Variants in ZCCHC4 observed in about 807,000 individuals in gnomAD.
The protein encoded by ZCCHC4 is rRNA N(6)-adenosine-methyltransferase ZCCHC4.
A neutral mutation model predicts 67.7 loss-of-function variants in ZCCHC4; 54 were observed. The observed-to-expected ratio is 0.80, with a 90% CI of 0.64 to 1.00. The LOEUF is 1.00. ZCCHC4 is among the 50% of genes least tolerant of loss of function. ZCCHC4 has a pLI of 0.00. For missense variants in ZCCHC4, 609 were observed against 617.0 expected, an observed-to-expected ratio of 0.99 and a Z score of 0.14; for synonymous variants, 198 against 213.5, an observed-to-expected ratio of 0.93 and a Z score of 0.63.
chr4:25,328,802 C>T (rs938070238), intron 3 of ZCCHC4, among the ~76,000 whole-genome samples: 3 of 151,910 alleles, frequency 2.0e-5, no homozygotes, highest in Admixed American at 6.6e-5. Flanking sequence ...ATGCTGGTCT[C>T]GAACTCCTGG....
chr4:25,349,706 C>A, intron 7 of ZCCHC4, 64 bp downstream of exon 7: 1 of 1,533,420 alleles, frequency 6.5e-7, no homozygotes, highest in Non-Finnish European at 8.9e-7. Flanking sequence ...CAAATATTAG[C>A]TGAGCTCAGT....
Position 25,359,024 on chromosome 4 carries a change from A to G in ZCCHC4, c.1012-2835A>G, listed in dbSNP as rs141820506. Among the ~76,000 whole-genome samples, 6 of 152,292 alleles carry G rather than the reference A, an allele frequency of 3.9e-5. No homozygotes were observed. Among genetic ancestry groups the G allele is most frequent in the Admixed American group, 1.3e-4 (2 of 15,298 alleles). ...TGGCGTGACAATTGACATCACGAAC[A>G]GGATACTGAGGAGAGTGAGCCTTCA... is the stretch of plus-strand genomic sequence containing the variant. On this transcript the variant is annotated intron_variant, in intron 8 of 12. Transcript: ENST00000302874. The surrounding 1 kb of genome is among the most constrained non-coding windows in gnomAD (Gnocchi z 4.9).
At chr4:25,325,346 C>T (rs1199913395) in intron 3 of ZCCHC4, among the ~76,000 whole-genome samples, 6 of 142,226 alleles carry the variant, frequency 4.2e-5, no homozygotes, top group African/African-American at 1.5e-4. Flanking sequence ...CGGCTCACTG[C>T]AACCTCTGTC....
intron 5 of ZCCHC4, among the ~76,000 whole-genome samples, chr4:25,336,332 G>A (rs555036595): frequency 3.1e-4 from 47 of 152,214 alleles, no homozygotes; most frequent in Non-Finnish European, 4.0e-4. Context: ...ATGGCTGGCT[G>A]TATGATACTC....
chr4:25,355,741 T>G (rs1380090680), intron 8 of ZCCHC4, among the ~76,000 whole-genome samples: 1 of 152,170 alleles, frequency 6.6e-6, no homozygotes. Context: ...TTCTTAAAAT[T>G]TAATCTGTAA....
intron 3 of ZCCHC4, among the ~76,000 whole-genome samples, chr4:25,324,014 G>GTTTTTTGTTTTTTTTTTTTT (rs1553895907): frequency 3.6e-5 from 3 of 82,430 alleles, no homozygotes; most frequent in African/African-American, 1.6e-4. Context: ...TGTTTTTTGT[G>GTTTTTTGTTTTTTTTTTTTT]TTTTTTTTTT....
intron 3 of ZCCHC4, among the ~76,000 whole-genome samples, chr4:25,321,770 C>G (rs1009627548): frequency 6.6e-6 from 1 of 152,176 alleles, no homozygotes; most frequent in East Asian, 1.9e-4. Context: ...CTGCCTCAGC[C>G]TCCCGGGTAG....
chr4:25,338,018 A>C (rs1041288353), intron 5 of ZCCHC4, among the ~76,000 whole-genome samples: 1 of 152,224 alleles, frequency 6.6e-6, no homozygotes, highest in African/African-American at 2.4e-5. Context: ...TTGGCTTTTT[A>C]AACCTTTTTT....
intron 3 of ZCCHC4, 92 bp from the exon 4 acceptor site, chr4:25,333,091 A>G: frequency 7.5e-7 from 1 of 1,332,418 alleles, no homozygotes; most frequent in Non-Finnish European, 1.0e-6. Context: ...AGGAAGTAAA[A>G]ATACTTTTTG....
chr4:25,362,967 C>A (rs886424074), intron 10 of ZCCHC4, among the ~76,000 whole-genome samples: 5 of 152,162 alleles, frequency 3.3e-5, no homozygotes, highest in Admixed American at 1.3e-4. Flanking sequence ...GCAGCATCTT[C>A]CACCAGAGGG....
intron 3 of ZCCHC4, among the ~76,000 whole-genome samples, chr4:25,329,041 G>T (rs1352400297): frequency 6.6e-6 from 1 of 151,964 alleles, no homozygotes; most frequent in Non-Finnish European, 1.5e-5. Flanking sequence ...ACAAAAATTA[G>T]CCAGGTGTGG....
intron 3 of ZCCHC4, among the ~76,000 whole-genome samples, chr4:25,319,682 A>G (rs1048287740): frequency 1.4e-4 from 22 of 152,076 alleles, no homozygotes; most frequent in Non-Finnish European, 2.9e-4. Context: ...TCAAAGGCAT[A>G]ATAAATAACC....
At chr4:25,367,706 T>G (rs2109097593) in intron 12 of ZCCHC4, among the ~76,000 whole-genome samples, 1 of 152,326 alleles carries the variant, frequency 6.6e-6, no homozygotes, top group South Asian at 2.1e-4. Context: ...TATTTTGAAC[T>G]GATAAGGTAT....
At chr4:25,335,753 CCT>C (rs1045322954) in intron 5 of ZCCHC4, among the ~76,000 whole-genome samples, 3 of 152,082 alleles carry the variant, frequency 2.0e-5, no homozygotes, top group African/African-American at 4.8e-5. Context: ...GAGTGAGACC[CCT>C]GTCTCAAAAA....
chr4:25,360,810 A>G (rs977190930), intron 8 of ZCCHC4, among the ~76,000 whole-genome samples: 1 of 152,196 alleles, frequency 6.6e-6, no homozygotes, highest in Non-Finnish European at 1.5e-5. Flanking sequence ...GGGGGGCATG[A>G]TACACAGATG....
chr4:25,327,851 AT>A (rs1718971820), intron 3 of ZCCHC4, among the ~76,000 whole-genome samples: 1 of 152,172 alleles, frequency 6.6e-6, no homozygotes. Context: ...TAATGAAATT[AT>A]CTTTTTTTCA....
intron 5 of ZCCHC4, among the ~76,000 whole-genome samples, chr4:25,334,258 A>G (rs1719339132): frequency 6.6e-6 from 1 of 152,190 alleles, no homozygotes; most frequent in Non-Finnish European, 1.5e-5. Context: ...CTACAGATGA[A>G]TCTCTATTGA....
intron 3 of ZCCHC4, among the ~76,000 whole-genome samples, chr4:25,320,364 A>T (rs1718517496): frequency 6.6e-6 from 1 of 151,830 alleles, no homozygotes; most frequent in Non-Finnish European, 1.5e-5. Flanking sequence ...TCATTTGGTT[A>T]TTTTTTTTCA....
chr4:25,314,116 C>A lies in ZCCHC4; in HGVS notation c.198C>A (p.Ala66=), dbSNP rs532545518. The A allele has an allele frequency of 1.1e-5, 17 of 1,611,106 alleles. No homozygotes were observed. In the Middle Eastern group the frequency reaches 4.9e-4, roughly 47 times the overall value. Residue 66 remains alanine, a synonymous_variant, in exon 2 of 13, where the codon GCC becomes GCA. Coordinates refer to ENST00000302874, the MANE Select transcript of ZCCHC4 (RefSeq NM_024936.3). ...CTCGGAGGTTTTATGCCTGTTCAGCCTGTAGAGATAGAAAAGACTGTAATT... is the reference window on the plus strand; with the variant it reads ...CTCGGAGGTTTTATGCCTGTTCAGCATGTAGAGATAGAAAAGACTGTAATT... ...EETRRFYACS[A]CRDRKDCNFF... is the part of the protein sequence containing the mutation.
Sources: gnomAD v4.1 joint callset for allele counts (sites outside exome capture counted in the v4.1 genomes callset) on GRCh38, gnomAD v4.1.1 for gene constraint, Gnocchi (gnomAD v3.1) non-coding constraint, MANE v1.5 for transcripts, NCBI Gene and HGNC (gene_info 2026-07-23, HGNC 2026-07-21) for gene names.